Variants in WIPF1 observed in about 807,000 individuals in gnomAD.
WIPF1 encodes the protein WAS/WASL interacting protein family member 1.
Under a neutral mutation model 35.4 loss-of-function variants are expected in WIPF1, and 13 were observed. That is an observed-to-expected ratio of 0.37 (90% CI 0.24 to 0.58). The LOEUF (loss-of-function observed/expected upper bound fraction) is 0.58. Ranked by LOEUF, WIPF1 falls within the 20% of genes least tolerant of loss-of-function variation. The pLI, the probability that WIPF1 is intolerant of heterozygous loss-of-function variation, is 0.74. For synonymous variants in WIPF1, 267 were observed against 266.3 expected (o/e 1.00, Z -0.02); for missense variants, 591 against 667.0 (o/e 0.89, Z 1.25).
At chr2:174,616,961 T>C (rs1178006783) in intron 1 of WIPF1, among the ~76,000 whole-genome samples, 1 of 151,964 alleles carries the variant, frequency 6.6e-6, no homozygotes, top group Non-Finnish European at 1.5e-5. Context: ...CAACTGATGA[T>C]TTATTTGATT....
chr2:174,564,850 CACCATT>C (rs1382995923), intron 7 of WIPF1, among the ~76,000 whole-genome samples: 5 of 150,312 alleles, frequency 3.3e-5, no homozygotes, highest in African/African-American at 4.9e-5. Flanking sequence ...CACACACACA[CACCATT>C]CAAAGATATC....
intron 1 of WIPF1, among the ~76,000 whole-genome samples, chr2:174,648,724 G>A (rs1687471411): frequency 6.6e-6 from 1 of 152,182 alleles, no homozygotes; most frequent in Non-Finnish European, 1.5e-5. Context: ...AAAATAGGTT[G>A]TGACCAAGTC....
intron 1 of WIPF1, among the ~76,000 whole-genome samples, chr2:174,660,959 A>T (rs762951670): frequency 1.3e-5 from 2 of 152,252 alleles, no homozygotes; most frequent in African/African-American, 2.4e-5. Context: ...CACCTGACGG[A>T]GGCTGGAACT....
At chr2:174,671,719 G>A (rs1030690106) in intron 1 of WIPF1, among the ~76,000 whole-genome samples, 17 of 152,048 alleles carry the variant, frequency 1.1e-4, no homozygotes, top group Admixed American at 6.6e-4. Context: ...AATAAGCCCC[G>A]GTCTCCCGTA....
At chr2:174,677,587 C>A (rs887129484) in intron 1 of WIPF1, among the ~76,000 whole-genome samples, 2 of 152,204 alleles carry the variant, frequency 1.3e-5, no homozygotes, top group African/African-American at 4.8e-5. Context: ...GTTCTTACAA[C>A]GTGAACCATG....
chr2:174,670,054 ATC>A (rs1410598487), intron 1 of WIPF1, among the ~76,000 whole-genome samples: 1 of 152,054 alleles, frequency 6.6e-6, no homozygotes, highest in East Asian at 1.9e-4. Flanking sequence ...GCCTCCTCTA[ATC>A]TCTGTTTCCT....
chr2:174,590,709 T>G lies in WIPF1; in HGVS notation c.-38-5098A>C, dbSNP rs140362690. On this transcript the variant is annotated intron_variant, in intron 1 of 7. Coordinates refer to ENST00000679041, the MANE Select transcript of WIPF1 (RefSeq NM_001375834.1). This position sits in a 1 kb window ranked among gnomAD's most constrained non-coding sequence, Gnocchi z 4.6. ...AGTGTCGGATCACATGCCTACCCAC[T>G]TGCTGGGCCTTGCCCTCCTACCCCA... Among the ~76,000 whole-genome samples the G allele has an allele frequency of 3.7e-3, 565 of 152,292 alleles. 3 individuals are homozygous for G. Among genetic ancestry groups the G allele is most frequent in the Non-Finnish European group, 4.5e-3 (306 of 68,020 alleles).
At chr2:174,671,841 T>C (rs1574871730) in intron 1 of WIPF1, among the ~76,000 whole-genome samples, 1 of 152,320 alleles carries the variant, frequency 6.6e-6, no homozygotes, top group Admixed American at 6.5e-5. Context: ...ATGTTATCAA[T>C]GACAATGCGT....
chr2:174,661,758 T>C (rs373482507), intron 1 of WIPF1, among the ~76,000 whole-genome samples: 1 of 152,124 alleles, frequency 6.6e-6, no homozygotes. Context: ...TAATAAATGT[T>C]TGTTGAATGA....
At chr2:174,583,262 T>A (rs1342237524) in intron 2 of WIPF1, among the ~76,000 whole-genome samples, 1 of 152,254 alleles carries the variant, frequency 6.6e-6, no homozygotes, top group Non-Finnish European at 1.5e-5. Context: ...CTTAACATAC[T>A]TTGGATGTCC....
At chr2:174,576,243 A>AAAAAAAAAAAAAAAC (rs1559149036) in intron 3 of WIPF1, among the ~76,000 whole-genome samples, 1 of 150,350 alleles carries the variant, frequency 6.7e-6, no homozygotes, top group African/African-American at 2.5e-5. Flanking sequence ...AAAAAAAAAA[A>AAAAAAAAAAAAAAAC]AAAAAACACT....
At chr2:174,635,243 A>T (rs1183217872) in intron 1 of WIPF1, among the ~76,000 whole-genome samples, 1 of 152,220 alleles carries the variant, frequency 6.6e-6, no homozygotes, top group Non-Finnish European at 1.5e-5. Flanking sequence ...TAACTGGGAG[A>T]CATTTCCCTC....
intron 1 of WIPF1, among the ~76,000 whole-genome samples, chr2:174,657,910 C>CAAAAA (rs56717056): frequency 1.0e-5 from 1 of 96,048 alleles, no homozygotes; most frequent in Admixed American, 1.2e-4. Context: ...AACTCTGTCT[C>CAAAAA]AAAAAAAAAA....
intron 1 of WIPF1, among the ~76,000 whole-genome samples, chr2:174,657,839 G>A (rs1687676057): frequency 6.6e-6 from 1 of 151,408 alleles, no homozygotes; most frequent in East Asian, 1.9e-4. Context: ...GAACCTGGGA[G>A]GTAGAGGTTG....
intron 1 of WIPF1, among the ~76,000 whole-genome samples, chr2:174,615,020 C>T (rs1041084328): frequency 1.3e-5 from 2 of 152,264 alleles, no homozygotes; most frequent in Admixed American, 6.5e-5. Context: ...AGAACAATAG[C>T]GACATATATT....
intron 1 of WIPF1, among the ~76,000 whole-genome samples, chr2:174,588,077 G>A (rs1369636145): frequency 3.3e-5 from 5 of 152,200 alleles, no homozygotes; most frequent in Admixed American, 1.3e-4. Context: ...CACATTCAGA[G>A]GCCTTGGAGT....
chr2:174,568,665 T>C (rs1260836809), intron 5 of WIPF1: 1 of 152,376 alleles, frequency 6.6e-6, no homozygotes, highest in Non-Finnish European at 1.5e-5. Context: ...GGGAGGCAGA[T>C]AAACACAGGG....
intron 1 of WIPF1, among the ~76,000 whole-genome samples, chr2:174,664,797 T>G (rs924205654): frequency 6.6e-5 from 10 of 152,192 alleles, no homozygotes; most frequent in Admixed American, 5.2e-4. Context: ...TTCCTTTTTC[T>G]CATTTTTAAT....
chr2:174,595,139 T>A (rs1216321351), intron 1 of WIPF1, among the ~76,000 whole-genome samples: 47 of 101,838 alleles, frequency 4.6e-4, no homozygotes, highest in Middle Eastern at 6.3e-3. Flanking sequence ...TATATATATA[T>A]AATTAACTGG....
Sources: allele counts gnomAD v4.1 joint callset (sites outside exome capture counted in the v4.1 genomes callset), GRCh38; gene constraint gnomAD v4.1.1; non-coding constraint Gnocchi (gnomAD v3.1); transcripts MANE v1.5; gene names NCBI Gene and HGNC (gene_info 2026-07-23, HGNC 2026-07-21).